Variants in NUP98 observed in about 807,000 individuals in gnomAD.
NUP98 encodes the protein nuclear pore complex protein Nup98-Nup96.
NUP98 carries 26 observed loss-of-function variants against 191.9 expected under a neutral mutation model. The observed-to-expected ratio is 0.14, with a 90% confidence interval of 0.10 to 0.19. The LOEUF is 0.19. NUP98 is among the 10% of genes least tolerant of loss of function. The probability of loss-of-function intolerance (pLI) is 1.00; values close to 1 mark genes in which losing one functional copy is unlikely to be tolerated. For synonymous variants in NUP98, 808 were observed against 778.4 expected (o/e 1.04, Z -0.63); for missense variants, 1,941 against 2,178.8 (o/e 0.89, Z 2.17).
At chr11:3,773,115 G>T (rs1351903412) in intron 6 of NUP98, among the ~76,000 whole-genome samples, 1 of 152,040 alleles carries the variant, frequency 6.6e-6, no homozygotes, top group Non-Finnish European at 1.5e-5. Context: ...CAGAACAGAT[G>T]ATTAGACTGG....
rs759859095 is a variant in NUP98, at chr11:3,760,589, C to G, written c.1124G>C (p.Ser375Thr). 3 of 1,613,886 alleles carry G rather than the reference C, an allele frequency of 1.9e-6. No individual in the cohort carries two copies. The highest frequency in any genetic ancestry group is 2.5e-6 in the Non-Finnish European group (3 of 1,179,914). ...FGNNKLTTFG[S>T]STTSAPSFGT... ...AAATGAAGGTGCACTGGTTGTGCTG[C>G]TTCCAAATGTAGTAAGCTTGTTATT... The change falls in exon 10 of 33, where the codon AGC (serine) becomes ACC (threonine). Residue 375 changes from serine (S) to threonine (T), a missense_variant. Transcript: ENST00000324932.
chr11:3,795,765 A>T (rs981123088), intron 1 of NUP98, among the ~76,000 whole-genome samples: 1 of 152,216 alleles, frequency 6.6e-6, no homozygotes, highest in African/African-American at 2.4e-5. Flanking sequence ...GAATGCCAAG[A>T]AAAGCTTCCC....
At chr11:3,778,442 G>A (rs562082172) in intron 4 of NUP98, among the ~76,000 whole-genome samples, 3 of 152,228 alleles carry the variant, frequency 2.0e-5, no homozygotes, top group East Asian at 3.9e-4. Context: ...ACCATGTCAC[G>A]TCCATTATGT....
chr11:3,713,798 AC>A lies in NUP98; in HGVS notation c.2577+19del, dbSNP rs766167348. The A allele has an allele frequency of 6.3e-7, 1 of 1,599,734 alleles. No homozygotes were observed. Among genetic ancestry groups the A allele is most frequent in the Non-Finnish European group, 8.5e-7 (1 of 1,174,728 alleles). ...CCAAATATAGTTTATAAAAGTCTGA[AC>A]TGGGTTAAATGACTATACCTTAAAC... On this transcript the variant is annotated intron_variant, in intron 19 of 32. Transcript: ENST00000324932.
chr11:3,702,405 T>G, intron 23 of NUP98, 58 bp downstream of exon 23: 1 of 1,371,532 alleles, frequency 7.3e-7, no homozygotes, highest in Non-Finnish European at 1.0e-6. Flanking sequence ...TCCTCCTGAT[T>G]AGTTTTTTTC....
intron 28 of NUP98, among the ~76,000 whole-genome samples, chr11:3,687,005 T>C (rs73426373): frequency 0.015 from 2,234 of 152,124 alleles, 59 homozygotes; most frequent in African/African-American, 0.052. Flanking sequence ...GATGACTCAA[T>C]TGTAACCTCA....
At chr11:3,703,134 A>G (rs1414139078) in intron 22 of NUP98, among the ~76,000 whole-genome samples, 1 of 152,140 alleles carries the variant, frequency 6.6e-6, no homozygotes, top group Non-Finnish European at 1.5e-5. Context: ...AAAAGCAACA[A>G]CACTATTAAT....
chr11:3,721,497 A>T (rs2079399732), intron 16 of NUP98, among the ~76,000 whole-genome samples: 1 of 152,198 alleles, frequency 6.6e-6, no homozygotes, highest in East Asian at 1.9e-4. Context: ...CAGGAGTCCA[A>T]GACAAGCCTG....
chr11:3,796,826 G>A (rs891991438), intron 1 of NUP98, among the ~76,000 whole-genome samples: 9 of 152,200 alleles, frequency 5.9e-5, no homozygotes, highest in Admixed American at 3.3e-4. Flanking sequence ...TAGTAATCCA[G>A]AAACTCAATC....
intron 28 of NUP98, among the ~76,000 whole-genome samples, chr11:3,687,419 A>G (rs890916211): frequency 1.3e-5 from 2 of 152,130 alleles, no homozygotes; most frequent in Non-Finnish European, 2.9e-5. Flanking sequence ...TTTTTCTCTT[A>G]TGAATTGTGT....
chr11:3,760,584 T>C lies in NUP98; in HGVS notation c.1129A>G (p.Thr377Ala). 1 of 1,614,078 alleles carries C rather than the reference T, an allele frequency of 6.2e-7. No individual in the cohort carries two copies. The highest frequency in any genetic ancestry group is 1.3e-5 in the African/African-American group (1 of 75,058). ...NNKLTTFGSSTTSAPSFGTTS... is the reference protein window; with the variant it reads ...NNKLTTFGSSATSAPSFGTTS... ...GTACCAAATGAAGGTGCACTGGTTG[T>C]GCTGCTTCCAAATGTAGTAAGCTTG... The change falls in exon 10 of 33, where the codon ACA becomes GCA. Residue 377 changes from threonine (T) to alanine (A), a missense_variant. This residue lies in a region of NUP98 where 181 missense variants were observed against 228.0 expected (regional missense o/e 0.79). Coordinates refer to ENST00000324932, the MANE Select transcript of NUP98 (RefSeq NM_016320.5).
Position 3,791,100 on chromosome 11 carries a change from T to C in NUP98, c.-29+6300A>G, listed in dbSNP as rs368634675. Among the ~76,000 whole-genome samples, 5 of 152,060 alleles carry C rather than the reference T, an allele frequency of 3.3e-5. No individual in the cohort carries two copies. The South Asian group carries it at 1.0e-3, about 32-fold the overall frequency. On this transcript the variant is annotated intron_variant, in intron 1 of 32. Transcript: ENST00000324932. ...TTAGTAGAGACGGGTTTTCACCGTG[T>C]TAGCCAGGATGGTCTCGATCTCCTG...
intron 1 of NUP98, among the ~76,000 whole-genome samples, chr11:3,785,202 CA>C (rs2082102684): frequency 6.6e-6 from 1 of 151,230 alleles, no homozygotes; most frequent in Non-Finnish European, 1.5e-5. Flanking sequence ...AAAAAACAAC[CA>C]AAAAACCAAC....
intron 20 of NUP98, among the ~76,000 whole-genome samples, chr11:3,707,621 G>A (rs4910654): frequency 0.051 from 7,641 of 150,434 alleles, 252 homozygotes; most frequent in Middle Eastern, 0.097. Flanking sequence ...AGTGGCATGT[G>A]CCTGGGATTA....
chr11:3,711,965 C>G (rs903227186), intron 20 of NUP98: 39 of 1,044,300 alleles, frequency 3.7e-5, no homozygotes, highest in Non-Finnish European at 4.4e-5. Flanking sequence ...ACAAAGAAAT[C>G]CCGTATCAAT....
chr11:3,700,336 G>A (rs990190268), intron 24 of NUP98, among the ~76,000 whole-genome samples: 3 of 151,084 alleles, frequency 2.0e-5, no homozygotes, highest in Non-Finnish European at 4.4e-5. Flanking sequence ...CTCTGGATTA[G>A]GTAAGAAATT....
intron 27 of NUP98, among the ~76,000 whole-genome samples, chr11:3,692,226 G>A (rs938230970): frequency 6.6e-6 from 1 of 151,756 alleles, no homozygotes; most frequent in Non-Finnish European, 1.5e-5. Flanking sequence ...CTACTCAGGA[G>A]GCTGGGGCCC....
intron 10 of NUP98, among the ~76,000 whole-genome samples, chr11:3,759,973 G>A (rs538493281): frequency 6.6e-6 from 1 of 151,646 alleles, no homozygotes; most frequent in Non-Finnish European, 1.5e-5. Context: ...CCTCCATAAT[G>A]GCTGGGACTA....
chr11:3,705,332 C>T lies in NUP98; in HGVS notation c.2950G>A (p.Asp984Asn). ...AGTGCCATATCTACATCTTCTTCAT[C>T]AGTAAGCAATGATGCTTTCATGATC... ...LQIMKASLLT[D>N]EEDVDMALDQ... Residue 984 changes from aspartate to asparagine, a missense_variant, in exon 22 of 33, where the codon GAT becomes AAT. By Grantham distance (23) the Asp-to-Asn change is conservative. Around this residue, in one of 6 missense-constraint regions of NUP98, gnomAD observed 1,030 missense variants for 1,115.8 expected, o/e 0.92. Transcript: ENST00000324932. The T allele has an allele frequency of 6.2e-7, 1 of 1,614,128 alleles. No individual in the cohort carries two copies. Among genetic ancestry groups the T allele is most frequent in the Non-Finnish European group, 8.5e-7 (1 of 1,180,010 alleles).
Sources: allele counts gnomAD v4.1 joint callset (sites outside exome capture counted in the v4.1 genomes callset), GRCh38; gene constraint gnomAD v4.1.1; regional missense constraint gnomAD v4.1.1; transcripts MANE v1.5; gene names NCBI Gene and HGNC (gene_info 2026-07-23, HGNC 2026-07-21).